Variants in CAPN6 observed in about 807,000 individuals in gnomAD.
The protein encoded by CAPN6 is calpain-6.
In CAPN6, 16 loss-of-function variants were observed where a neutral mutation model predicts 46.0. The ratio of observed to expected loss-of-function variants is 0.35; its 90% confidence interval spans 0.24 to 0.53. CAPN6 has a LOEUF of 0.53. Among genes scored for constraint, CAPN6 ranks in the 20% least tolerant of loss-of-function variants. The pLI is 0.94. For missense variants in CAPN6, 461 were observed against 498.0 expected (o/e 0.93, Z 0.71); for synonymous variants, 206 against 172.8 (o/e 1.19, Z -1.51).
chrX:111,253,249 T>C (rs1288678406), intron 3 of CAPN6, 33 bp from the exon 4 acceptor site: 1 of 1,074,709 alleles, frequency 9.3e-7, no homozygotes, highest in Non-Finnish European at 1.3e-6. Context: ...TCAAGTGTTA[T>C]TCACCAGACC....
rs17884003 is a variant in CAPN6, at chrX:111,263,264, G to A, written c.165+508C>T. ...TGGGTGACTAGATGAACAAATTTTG[G>A]CATATCCTTATCATAAATTACTACT... is the stretch of plus-strand genomic sequence containing the variant. On this transcript the variant is annotated intron_variant, in intron 2 of 12. Coordinates refer to ENST00000324068, the MANE Select transcript of CAPN6 (RefSeq NM_014289.4). Among the ~76,000 whole-genome samples the A allele has an allele frequency of 4.0e-3, 446 of 111,780 alleles. 2 individuals are homozygous for A. Among genetic ancestry groups the A allele is most frequent in the African/African-American group, 0.014 (432 of 30,822 alleles).
At chrX:111,263,988 T>C (rs1359248865) in intron 1 of CAPN6, 37 bp from the exon 2 acceptor site, 7 of 977,060 alleles carry the variant, frequency 7.2e-6, no homozygotes, top group Non-Finnish European at 8.3e-6. Flanking sequence ...GAAGGAAGAA[T>C]TTCTCAGGTC....
At chrX:111,260,654 C>G (rs770687076) in intron 2 of CAPN6, among the ~76,000 whole-genome samples, 33 of 111,814 alleles carry the variant, frequency 3.0e-4, no homozygotes, top group South Asian at 1.5e-3. Flanking sequence ...TGGTTCTTGA[C>G]CACAGGCTTG....
chrX:111,251,827 G>T, intron 5 of CAPN6, 85 bp from the exon 6 acceptor site: 2 of 821,981 alleles, frequency 2.4e-6, no homozygotes, highest in Non-Finnish European at 3.5e-6. Flanking sequence ...GCTTAACCCA[G>T]TAGGATTGAA....
At chrX:111,261,388 A>G (rs2094987829) in intron 2 of CAPN6, among the ~76,000 whole-genome samples, 1 of 112,671 alleles carries the variant, frequency 8.9e-6, no homozygotes, top group Non-Finnish European at 1.9e-5. Flanking sequence ...AACTTTTAAC[A>G]TGCCTACTTT....
At chrX:111,269,651 G>A (rs932243764) in intron 1 of CAPN6, among the ~76,000 whole-genome samples, 1 of 111,954 alleles carries the variant, frequency 8.9e-6, no homozygotes, top group African/African-American at 3.3e-5. Context: ...CCCTAGAACA[G>A]TGTACTTGGC....
rs756062996 is a variant in CAPN6, at chrX:111,246,546, C to T, written c.*31G>A. ...CCTGACGGAAAATAAAAGGGTGGCA[C>T]GCTTTGTCAGGATTCTCTGGGATTG... On this transcript the variant is annotated 3_prime_UTR_variant, in exon 13 of 13. Coordinates refer to ENST00000324068, the MANE Select transcript of CAPN6 (RefSeq NM_014289.4). 7.7e-6 allele frequency: 9 copies of T among 1,162,859 alleles called. No individual in the cohort carries two copies. In the South Asian group the frequency reaches 9.4e-5, roughly 12 times the overall value.
intron 1 of CAPN6, among the ~76,000 whole-genome samples, chrX:111,269,273 C>A (rs999602458): frequency 1.8e-5 from 2 of 111,876 alleles, no homozygotes; most frequent in African/African-American, 6.5e-5. Context: ...CACACCCAGG[C>A]ACACACGTGC....
At chrX:111,250,864 T>G in intron 8 of CAPN6, 53 bp downstream of exon 8, 4 of 1,077,640 alleles carry the variant, frequency 3.7e-6, no homozygotes, top group Non-Finnish European at 5.1e-6. Flanking sequence ...AAGCAAGATC[T>G]GAGTTCCTAT....
At position 111,245,991 on chromosome X, in the gene CAPN6, G is replaced by A. The variant is rs1039455188; in HGVS notation, c.*586C>T. 3 of 113,817 alleles carry A rather than the reference G, an allele frequency of 2.6e-5. No individual in the cohort carries two copies. Among genetic ancestry groups the A allele is most frequent in the African/African-American group, 9.8e-5 (3 of 30,662 alleles). 9.4% of individuals were successfully genotyped at this position (113,817 alleles called of 1,213,427 possible). A position where few individuals can be genotyped will look rare whatever the true frequency, so the allele number is the denominator to read the frequency against. On this transcript the variant is annotated 3_prime_UTR_variant, in exon 13 of 13. Coordinates refer to ENST00000324068, the MANE Select transcript of CAPN6 (RefSeq NM_014289.4). Reference sequence around the variant, plus strand: ...TTACTGTCGGGGGTGACTTGGGTTAGGGCAGGACTACACTTTCCGGAGGTG... The same window carrying A: ...TTACTGTCGGGGGTGACTTGGGTTAAGGCAGGACTACACTTTCCGGAGGTG...
Position 111,248,591 on chromosome X carries a change from A to C in CAPN6, c.1462T>G (p.Ser488Ala). 8.3e-7 allele frequency: 1 copy of C among 1,209,090 alleles called. No individual in the cohort carries two copies. The highest frequency in any genetic ancestry group is 1.1e-6 in the Non-Finnish European group (1 of 894,427). The change falls in exon 10 of 13, where the codon TCT becomes GCT. Residue 488 changes from serine to alanine, a missense_variant. Ser to Ala is a moderately conservative substitution (Grantham distance 99, BLOSUM62 1). Transcript: ENST00000324068. ...RTSEFLLRIF[S>A]EVPVQLRELT... ...AACCTGAGCTGGACAGGCACTTCAG[A>C]GAAGATTCTCAGGAGAAACTCGCTG...
intron 5 of CAPN6, among the ~76,000 whole-genome samples, chrX:111,251,960 T>C (rs755698871): frequency 2.7e-5 from 3 of 112,111 alleles, no homozygotes; most frequent in Admixed American, 1.9e-4. Flanking sequence ...CTATCCACTG[T>C]AGGACATTAA....
intron 2 of CAPN6, among the ~76,000 whole-genome samples, chrX:111,260,565 T>A: frequency 8.9e-6 from 1 of 112,251 alleles, no homozygotes; most frequent in Non-Finnish European, 1.9e-5. Flanking sequence ...CAACGGCTCA[T>A]CTGGCCTTCC....
intron 10 of CAPN6, among the ~76,000 whole-genome samples, chrX:111,248,243 A>G (rs1184572352): frequency 1.8e-5 from 2 of 112,082 alleles, no homozygotes; most frequent in Non-Finnish European, 3.8e-5. Context: ...CACAGAACAT[A>G]ATAGAAGAGC....
Position 111,251,698 on chromosome X carries a change from C to T in CAPN6, c.744G>A (p.Leu248=), listed in dbSNP as rs2094979690. The T allele has an allele frequency of 8.3e-7, 1 of 1,210,629 alleles. No individual in the cohort carries two copies. The highest frequency in any genetic ancestry group is 3.0e-5 in the East Asian group (1 of 33,821). ...TCATGGTATAGGTATGGCCCTTCAG[C>T]AGACCCCAATCAGTTTCAACTTCTT... The part of the protein sequence containing the change: ...EEQEVETDWG[L]LKGHTYTMTD... Residue 248 remains leucine, a synonymous_variant, in exon 6 of 13, where the codon CTG becomes CTA. Transcript: ENST00000324068.
At chrX:111,257,174 C>T (rs757424189) in intron 2 of CAPN6, among the ~76,000 whole-genome samples, 3 of 111,563 alleles carry the variant, frequency 2.7e-5, no homozygotes, top group African/African-American at 9.8e-5. Context: ...CATCCCTGTG[C>T]CTTTAGGCTC....
At chrX:111,251,799 C>T in intron 5 of CAPN6, 57 bp from the exon 6 acceptor site, 1 of 993,290 alleles carries the variant, frequency 1.0e-6, no homozygotes, top group Non-Finnish European at 1.4e-6. Flanking sequence ...AATCCTGACT[C>T]CTCTTCTTCA....
At chrX:111,259,109 G>A (rs2094985967) in intron 2 of CAPN6, among the ~76,000 whole-genome samples, 1 of 112,424 alleles carries the variant, frequency 8.9e-6, no homozygotes, top group Non-Finnish European at 1.9e-5. Flanking sequence ...TTCTACAACT[G>A]GGTTGTGGTA....
At chrX:111,262,695 G>C (rs1489284109) in intron 2 of CAPN6, among the ~76,000 whole-genome samples, 1 of 111,815 alleles carries the variant, frequency 8.9e-6, no homozygotes, top group Non-Finnish European at 1.9e-5. Flanking sequence ...TTTAGGTATA[G>C]CAAGGTTGCA....
Sources: gnomAD v4.1 joint callset for allele counts (sites outside exome capture counted in the v4.1 genomes callset) on GRCh38, gnomAD v4.1.1 for gene constraint, MANE v1.5 for transcripts, NCBI Gene and HGNC (gene_info 2026-07-23, HGNC 2026-07-21) for gene names.